The following CSPP1 variants were observed in gnomAD, a reference collection of about 807,000 sequenced individuals.
CSPP1 encodes centrosome and spindle pole-associated protein 1.
CSPP1 carries 126 observed loss-of-function variants against 164.4 expected under a neutral mutation model. The ratio of observed to expected loss-of-function variants is 0.77; its 90% CI spans 0.66 to 0.89. CSPP1 has a LOEUF of 0.89. Among genes scored for constraint, CSPP1 ranks in the 40% least tolerant of loss-of-function variants. The probability of loss-of-function intolerance (pLI) is 0.00; values close to 1 mark genes in which losing one functional copy is unlikely to be tolerated. For synonymous variants in CSPP1, 472 were observed against 476.7 expected, an observed-to-expected ratio of 0.99 and a Z score of 0.13; for missense variants, 1,395 against 1,449.8, an observed-to-expected ratio of 0.96 and a Z score of 0.61.
chr8:67,187,943 A>G (rs1279244638), intron 28 of CSPP1, among the ~76,000 whole-genome samples: 1 of 152,240 alleles, frequency 6.6e-6, no homozygotes, highest in Non-Finnish European at 1.5e-5. Flanking sequence ...TGATAACAAC[A>G]GAAAATCTAG....
At chr8:67,092,870 C>G (rs1198601190) in intron 5 of CSPP1, among the ~76,000 whole-genome samples, 1 of 152,036 alleles carries the variant, frequency 6.6e-6, no homozygotes, top group Non-Finnish European at 1.5e-5. Context: ...ATTTTATAAT[C>G]TGTGATAATT....
intron 15 of CSPP1, among the ~76,000 whole-genome samples, chr8:67,121,430 TG>T (rs71249417): frequency 0.03 from 4,494 of 152,316 alleles, 76 homozygotes; most frequent in Non-Finnish European, 0.046. Flanking sequence ...GTGATGATCA[TG>T]TTTTTTTCCC....
intron 30 of CSPP1, among the ~76,000 whole-genome samples, 155 bp from the exon 31 acceptor site, chr8:67,195,227 G>GGTGA (rs1324028780): frequency 1.9e-4 from 29 of 151,832 alleles, no homozygotes; most frequent in Non-Finnish European, 3.4e-4. Flanking sequence ...GGTGGGGTGG[G>GGTGA]GTGAGTCTAA....
chr8:67,089,544 C>T (rs1440698654), intron 4 of CSPP1, among the ~76,000 whole-genome samples: 1 of 152,162 alleles, frequency 6.6e-6, no homozygotes, highest in Non-Finnish European at 1.5e-5. Flanking sequence ...TCCTTTTTGT[C>T]ACAGTAATTA....
intron 28 of CSPP1, among the ~76,000 whole-genome samples, chr8:67,186,970 C>CATCT (rs59504632): frequency 0.17 from 25,465 of 149,762 alleles, 2,146 homozygotes; most frequent in East Asian, 0.24. Flanking sequence ...ATCTATCTAT[C>CATCT]ATCTATCTAT....
chr8:67,163,408 A>G (rs527917876), intron 22 of CSPP1, among the ~76,000 whole-genome samples: 1 of 152,216 alleles, frequency 6.6e-6, no homozygotes, highest in East Asian at 1.9e-4. Context: ...GGAGAGAGGA[A>G]GTTGGAAAAA....
intron 17 of CSPP1, among the ~76,000 whole-genome samples, chr8:67,139,738 C>G (rs1042976662): frequency 2.0e-5 from 3 of 152,108 alleles, no homozygotes; most frequent in Non-Finnish European, 4.4e-5. Flanking sequence ...CAAACTATTG[C>G]AAGGACAAAA....
At chr8:67,164,236 T>A (rs1468748822) in intron 23 of CSPP1, among the ~76,000 whole-genome samples, 155 bp from the exon 24 acceptor site, 1 of 152,252 alleles carries the variant, frequency 6.6e-6, no homozygotes, top group Non-Finnish European at 1.5e-5. Context: ...ACAATTATGA[T>A]CCATGTATGT....
chr8:67,086,327 T>G (rs1810399339), intron 4 of CSPP1: 4 of 584,574 alleles, frequency 6.8e-6, no homozygotes, highest in Non-Finnish European at 1.3e-5. Flanking sequence ...TTTGACCTTT[T>G]GACTAAGGCA....
rs557267191 is a variant in CSPP1, at chr8:67,159,286, A to C, written c.2538+149A>C. On this transcript the variant is annotated intron_variant, in intron 21 of 30. Coordinates refer to ENST00000678616, the MANE Select transcript of CSPP1 (RefSeq NM_001382391.1). ...TGTTTAGTCTGGGCACAATGTACTGAACTTTCTGTAGGAGGTACTGTCACT... is the reference window on the plus strand; with the variant it reads ...TGTTTAGTCTGGGCACAATGTACTGCACTTTCTGTAGGAGGTACTGTCACT... 2.1e-5 allele frequency: 15 copies of C among 727,078 alleles called. No homozygotes were observed. The South Asian group carries it at 2.2e-4, about 11-fold the overall frequency. The allele number at this position is 727,078 out of a possible 1,614,324, so 45.0% of individuals were successfully genotyped here.
At chr8:67,080,970 C>G (rs1809031181) in intron 3 of CSPP1, 2 of 152,216 alleles carry the variant, frequency 1.3e-5, no homozygotes, top group Admixed American at 6.5e-5. Context: ...ATCTCCAGCC[C>G]TGCTGTATTC....
chr8:67,088,765 C>T (rs991483499), intron 4 of CSPP1, among the ~76,000 whole-genome samples: 1 of 151,414 alleles, frequency 6.6e-6, no homozygotes, highest in African/African-American at 2.4e-5. Flanking sequence ...GGCGTGGTGG[C>T]AGGCGCCTGT....
chr8:67,087,910 C>T (rs1041130090), intron 4 of CSPP1, among the ~76,000 whole-genome samples: 2 of 152,128 alleles, frequency 1.3e-5, no homozygotes, highest in Admixed American at 1.3e-4. Context: ...CTGATTTCCT[C>T]GCGCTAATTT....
intron 5 of CSPP1, among the ~76,000 whole-genome samples, chr8:67,092,456 G>A (rs1811812776): frequency 6.6e-6 from 1 of 150,934 alleles, no homozygotes; most frequent in African/African-American, 2.4e-5. Context: ...CTTTTTTTTT[G>A]AGACGAAGTA....
chr8:67,069,761 C>T (rs1480100392), intron 1 of CSPP1, among the ~76,000 whole-genome samples: 8 of 150,950 alleles, frequency 5.3e-5, no homozygotes, highest in Non-Finnish European at 1.2e-4. Context: ...CTGGTTCAAG[C>T]GATTCTCCTG....
chr8:67,157,944 C>G (rs1826983912), intron 19 of CSPP1: 2 of 152,178 alleles, frequency 1.3e-5, no homozygotes, highest in South Asian at 4.1e-4. Flanking sequence ...TAACAAAGGG[C>G]ATTTGGGAGA....
rs749241871 is a variant in CSPP1 at position 67,159,864 on chromosome 8, CT to C, written c.2538+730del. ...TTTCTTTCTTTCTTTTTCTTTCTTT[CT>C]TTCTTTCTTTCTTTCTTTCTTTCTT... On this transcript the variant is annotated intron_variant, in intron 21 of 30. Transcript: ENST00000678616. 3.1e-4 allele frequency among the ~76,000 whole-genome samples: 10 copies of C among 31,984 alleles called. 1 individual carries two copies. Among genetic ancestry groups the C allele is most frequent in the Non-Finnish European group, 5.0e-4 (9 of 18,170 alleles). 21.0% of individuals were successfully genotyped at this position (31,984 alleles called of 152,430 possible). A position where few individuals can be genotyped will look rare whatever the true frequency, so the allele number is the denominator to read the frequency against.
intron 26 of CSPP1, chr8:67,175,670 G>T: frequency 1.6e-6 from 1 of 639,598 alleles, no homozygotes; most frequent in Non-Finnish European, 2.9e-6. Flanking sequence ...ATTCACTGTA[G>T]CCAGGAGGAC....
At chr8:67,116,975 G>A (rs1314306458) in intron 13 of CSPP1, among the ~76,000 whole-genome samples, 3 of 152,112 alleles carry the variant, frequency 2.0e-5, no homozygotes, top group Non-Finnish European at 4.4e-5. Context: ...CTCAGGAATA[G>A]GAGGCATTGG....
Sources: gnomAD v4.1 joint callset for allele counts (sites outside exome capture counted in the v4.1 genomes callset) on GRCh38, gnomAD v4.1.1 for gene constraint, MANE v1.5 for transcripts, NCBI Gene and HGNC (gene_info 2026-07-23, HGNC 2026-07-21) for gene names.